ZNF254: variants seen among roughly 807,000 people sequenced by gnomAD.
ZNF254 encodes the protein CTD-2017D11.1.
ZNF254 carries 10 observed loss-of-function variants against 12.4 expected under a neutral mutation model. The observed-to-expected ratio is 0.80, with a 90% confidence interval of 0.50 to 1.36. ZNF254 has a LOEUF of 1.36. Ranked by LOEUF, ZNF254 falls within the 40% of genes most tolerant of loss-of-function variation. ZNF254 has a pLI of 0.00. For synonymous variants in ZNF254, 305 were observed against 253.4 expected (o/e 1.20, Z -1.93); for missense variants, 996 against 763.9 (o/e 1.30, Z -3.58).
At chr19:24,047,151 G>T (rs766387541) in intron 2 of ZNF254, among the ~76,000 whole-genome samples, 1 of 151,960 alleles carries the variant, frequency 6.6e-6, no homozygotes, top group Non-Finnish European at 1.5e-5. Context: ...TTACAGGTGT[G>T]AGCCACTGTG....
At chr19:24,085,427 A>ATATATATGTATATATATATATATATAT, upstream of ZNF254, among the ~76,000 whole-genome samples, 1 of 42,454 alleles carries the variant, frequency 2.4e-5, no homozygotes, top group East Asian at 5.6e-4. Flanking sequence ...TATATATATA[A>ATATATATGTATATATATATATATATAT]AAACTAAGAT....
At chr19:24,113,524 G>A (rs938593936) in intron 3 of ZNF254, among the ~76,000 whole-genome samples, 33 of 152,252 alleles carry the variant, frequency 2.2e-4, no homozygotes, top group African/African-American at 7.9e-4. Flanking sequence ...AGGTATTGAT[G>A]TGACGTATCT....
At chr19:24,074,073 G>T (rs1971573582) in intron 2 of ZNF254, among the ~76,000 whole-genome samples, 1 of 152,120 alleles carries the variant, frequency 6.6e-6, no homozygotes, top group Non-Finnish European at 1.5e-5. Flanking sequence ...CCACACCTTG[G>T]TTATGTGACT....
intron 3 of ZNF254, among the ~76,000 whole-genome samples, chr19:24,122,031 A>G (rs1322878762): frequency 6.6e-6 from 1 of 152,092 alleles, no homozygotes; most frequent in Non-Finnish European, 1.5e-5. Flanking sequence ...TATAATTTAA[A>G]ACTCCCATAA....
intron 3 of ZNF254, among the ~76,000 whole-genome samples, chr19:24,122,146 C>G (rs141800095): frequency 2.1e-4 from 32 of 152,292 alleles, no homozygotes; most frequent in African/African-American, 7.7e-4. Context: ...ATTATCTTGA[C>G]ATTGTCATGC....
upstream of ZNF254, chr19:24,087,171 T>C: frequency 8.5e-7 from 1 of 1,170,734 alleles, no homozygotes; most frequent in East Asian, 2.5e-5. Flanking sequence ...CAAAGCGGCT[T>C]CCGGGATATG....
chr19:24,046,806 GATTTCTTCTCT>G, intron 2 of ZNF254, among the ~76,000 whole-genome samples: 1 of 151,568 alleles, frequency 6.6e-6, no homozygotes, highest in African/African-American at 2.4e-5. Flanking sequence ...ACCCAGTGCT[GATTTCTTCTCT>G]GCCTCTCCTT....
Position 24,045,437 on chromosome 19 carries a change from A to C in ZNF254, c.-189-747A>C, listed in dbSNP as rs540964955. On this transcript the variant is annotated intron_variant, in intron 1 of 4. Coordinates refer to the ZNF254 transcript ENST00000613065. ...GTAATCCCAGCACTTTGGGAGGCCG[A>C]GGTGGGCGAATCACGAGGTCGGGAG... 2.0e-5 allele frequency among the ~76,000 whole-genome samples: 3 copies of C among 152,102 alleles called. No individual in the cohort carries two copies. In the East Asian group the frequency reaches 5.8e-4, roughly 29 times the overall value.
At chr19:24,056,147 CT>C (rs1423869932) in intron 2 of ZNF254, among the ~76,000 whole-genome samples, 3 of 152,102 alleles carry the variant, frequency 2.0e-5, no homozygotes, top group African/African-American at 7.2e-5. Flanking sequence ...TGATTTGAGT[CT>C]CCTCCCCTGC....
intron 3 of ZNF254, among the ~76,000 whole-genome samples, chr19:24,119,131 CT>C (rs140101588): frequency 0.015 from 2,231 of 151,988 alleles, 52 homozygotes; most frequent in African/African-American, 0.051. Context: ...AAAAAGTTAT[CT>C]TCTTATGTCT....
intron 1 of ZNF254, among the ~76,000 whole-genome samples, chr19:24,036,060 T>TTGTTC (rs1245114385): frequency 2.0e-5 from 3 of 151,982 alleles, no homozygotes; most frequent in Admixed American, 2.0e-4. Flanking sequence ...TTGTTTTGTT[T>TTGTTC]TGTTTTGTTT....
At chr19:24,074,354 C>G (rs1971585519) in intron 2 of ZNF254, among the ~76,000 whole-genome samples, 1 of 152,196 alleles carries the variant, frequency 6.6e-6, no homozygotes, top group Admixed American at 6.5e-5. Context: ...TACTGCTGGG[C>G]TAAACAAGGT....
chr19:24,115,068 C>G (rs541691212), intron 3 of ZNF254, among the ~76,000 whole-genome samples: 1 of 152,342 alleles, frequency 6.6e-6, no homozygotes, highest in South Asian at 2.1e-4. Context: ...CACTTTTACA[C>G]TGTTGGTGGG....
intron 2 of ZNF254, among the ~76,000 whole-genome samples, chr19:24,074,002 G>C (rs1971570949): frequency 6.6e-6 from 1 of 152,128 alleles, no homozygotes; most frequent in African/African-American, 2.4e-5. Context: ...ACACCTAGGT[G>C]GTGTGACTAC....
rs144524096 is a variant in ZNF254 at position 24,096,575 on chromosome 19, T to C, written c.30+9238T>C. ...AATTTGCTGAGGATTATTCTATTTCTGATTGTGTGGTCAGTTTTTGAGTAT... is the reference window on the plus strand; with the variant it reads ...AATTTGCTGAGGATTATTCTATTTCCGATTGTGTGGTCAGTTTTTGAGTAT... On this transcript the variant is annotated intron_variant, in intron 1 of 3. Transcript: ENST00000357002. Among the ~76,000 whole-genome samples, 3 of 152,316 alleles carry C rather than the reference T, an allele frequency of 2.0e-5. No individual in the cohort carries two copies. In the East Asian group the frequency reaches 5.8e-4, roughly 29 times the overall value.
intron 2 of ZNF254, among the ~76,000 whole-genome samples, chr19:24,071,774 T>C (rs1971490202): frequency 6.6e-6 from 1 of 152,110 alleles, no homozygotes; most frequent in Non-Finnish European, 1.5e-5. Context: ...ACCTTGGTGA[T>C]GTGACTCTCC....
At chr19:24,091,891 T>G in intron 1 of ZNF254, 1 of 970,696 alleles carries the variant, frequency 1.0e-6, no homozygotes, top group Non-Finnish European at 1.2e-6. Context: ...ATTTTTTTTT[T>G]TTTTTTGAGA....
chr19:24,071,221 C>G (rs80032864), intron 2 of ZNF254, among the ~76,000 whole-genome samples: 1 of 152,106 alleles, frequency 6.6e-6, no homozygotes, highest in Non-Finnish European at 1.5e-5. Context: ...CAAGCACCTA[C>G]GTGATGTTAC....
At chr19:24,090,254 AGAGTAAAATGC>A (rs1164360106) in intron 1 of ZNF254, among the ~76,000 whole-genome samples, 2 of 152,028 alleles carry the variant, frequency 1.3e-5, no homozygotes, top group Non-Finnish European at 2.9e-5. Flanking sequence ...AAGAACTTGC[AGAGTAAAATGC>A]GCCTGAGACA....
Sources: allele counts gnomAD v4.1 joint callset (sites outside exome capture counted in the v4.1 genomes callset), GRCh38; gene constraint gnomAD v4.1.1; transcripts MANE v1.5; gene names NCBI Gene and HGNC (gene_info 2026-07-23, HGNC 2026-07-21).